ABTB3: variants seen among roughly 807,000 people sequenced by gnomAD.
ABTB3 encodes ankyrin repeat and BTB domain containing 3, also known as ankyrin repeat- and BTB/POZ domain-containing protein 3.
chr12:107,630,621 A>T, the ABTB3 span, among the ~76,000 whole-genome samples: 1 of 151,406 alleles, frequency 6.6e-6, no homozygotes. Flanking sequence ...AAAAAAAAAA[A>T]TTTAAAGACA....
the ABTB3 span, among the ~76,000 whole-genome samples, chr12:107,464,798 C>T: frequency 6.6e-6 from 1 of 152,182 alleles, no homozygotes; most frequent in Non-Finnish European, 1.5e-5. Flanking sequence ...GTTTTACTCC[C>T]TCTCCCTTGC....
chr12:107,644,556 A>G, the ABTB3 span, among the ~76,000 whole-genome samples: 1 of 152,200 alleles, frequency 6.6e-6, no homozygotes, highest in African/African-American at 2.4e-5. Context: ...AGAACATTTT[A>G]AAATGCAGAT....
the ABTB3 span, among the ~76,000 whole-genome samples, chr12:107,365,081 C>T: frequency 6.6e-6 from 1 of 152,124 alleles, no homozygotes; most frequent in African/African-American, 2.4e-5. Flanking sequence ...AGTTTGAATT[C>T]CAGAGCTAAC....
chr12:107,648,380 CCACACACACACACACACACA>C, the ABTB3 span, among the ~76,000 whole-genome samples: 3,368 of 140,196 alleles, frequency 0.024, 144 homozygotes, highest in African/African-American at 0.085. Flanking sequence ...GACCCCATCT[CCACACACACACACACACACA>C]CACACACACA....
the ABTB3 span, chr12:107,520,448 CTGTT>C: frequency 6.3e-7 from 1 of 1,598,972 alleles, no homozygotes; most frequent in Non-Finnish European, 8.5e-7. Context: ...AAATAACAAT[CTGTT>C]TTCCTTTCAT....
At chr12:107,325,567 TA>T in the ABTB3 span, among the ~76,000 whole-genome samples, 1 of 152,052 alleles carries the variant, frequency 6.6e-6, no homozygotes, top group African/African-American at 2.4e-5. Flanking sequence ...AAACATAAAA[TA>T]AAAATAACAA....
At chr12:107,379,847 G>C in the ABTB3 span, among the ~76,000 whole-genome samples, 1 of 152,266 alleles carries the variant, frequency 6.6e-6, no homozygotes, top group African/African-American at 2.4e-5. Context: ...TTTGAATCTC[G>C]GCTCCACTCC....
At chr12:107,449,202 C>A in the ABTB3 span, among the ~76,000 whole-genome samples, 1 of 152,172 alleles carries the variant, frequency 6.6e-6, no homozygotes, top group South Asian at 2.1e-4. Context: ...CTCCAGGAAG[C>A]CCAGGTAACA....
At chr12:107,651,803 C>T in the ABTB3 span, 1 of 1,602,104 alleles carries the variant, frequency 6.2e-7, no homozygotes, top group Non-Finnish European at 8.6e-7. Flanking sequence ...CAATCTCATT[C>T]TCGCGCAGTG....
chr12:107,616,536 T>C, the ABTB3 span, among the ~76,000 whole-genome samples: 377 of 152,338 alleles, frequency 2.5e-3, 4 homozygotes, highest in African/African-American at 8.7e-3. Flanking sequence ...TCTGCCACTT[T>C]ATTAACTGAT....
At chr12:107,401,914 G>GTTTTTTTT in the ABTB3 span, among the ~76,000 whole-genome samples, 1 of 130,900 alleles carries the variant, frequency 7.6e-6, no homozygotes, top group Admixed American at 7.8e-5. Context: ...ACCGCTTAGG[G>GTTTTTTTT]TTTTTTTTTT....
At chr12:107,544,717 C>A in the ABTB3 span, among the ~76,000 whole-genome samples, 1 of 152,206 alleles carries the variant, frequency 6.6e-6, no homozygotes, top group Non-Finnish European at 1.5e-5. Context: ...ATCCTCTCCC[C>A]ACAGTGTCTC....
the ABTB3 span, among the ~76,000 whole-genome samples, chr12:107,401,609 G>A: frequency 6.6e-6 from 1 of 152,190 alleles, no homozygotes; most frequent in Admixed American, 6.5e-5. Flanking sequence ...TTGATCTTGA[G>A]CGGATGCCCT....
the ABTB3 span, among the ~76,000 whole-genome samples, chr12:107,565,309 C>CTAA: frequency 6.6e-6 from 1 of 151,516 alleles, no homozygotes; most frequent in African/African-American, 2.4e-5. Flanking sequence ...TTTTTTTTTT[C>CTAA]TGAATCTAAT....
the ABTB3 span, among the ~76,000 whole-genome samples, chr12:107,550,683 C>A: frequency 6.6e-6 from 1 of 150,916 alleles, no homozygotes; most frequent in East Asian, 2.0e-4. Context: ...CAGGTTCAAG[C>A]GATTCTCCCG....
the ABTB3 span, chr12:107,614,963 C>T: frequency 1.0e-6 from 1 of 972,592 alleles, no homozygotes; most frequent in Non-Finnish European, 1.6e-6. Context: ...GTCTTTTTGT[C>T]CATCTCTAGC....
chr12:107,581,075 G>T, the ABTB3 span: 1 of 1,545,526 alleles, frequency 6.5e-7, no homozygotes, highest in Non-Finnish European at 8.7e-7. Context: ...CCGCGAGCAG[G>T]GGGTGGGGCC....
the ABTB3 span, among the ~76,000 whole-genome samples, chr12:107,368,778 G>C: frequency 1.3e-5 from 2 of 152,106 alleles, no homozygotes; most frequent in Non-Finnish European, 2.9e-5. Flanking sequence ...TTGTAATTTT[G>C]TAAATCTGTT....
At chr12:107,465,747 C>G in the ABTB3 span, among the ~76,000 whole-genome samples, 2 of 152,304 alleles carry the variant, frequency 1.3e-5, no homozygotes, top group Non-Finnish European at 2.9e-5. Context: ...CCTGGCTCAT[C>G]TTGTCTCTTT....
Sources: gnomAD v4.1 joint callset for allele counts (sites outside exome capture counted in the v4.1 genomes callset) on GRCh38, gnomAD v4.1.1 for gene constraint, MANE v1.5 for transcripts, NCBI Gene and HGNC (gene_info 2026-07-23, HGNC 2026-07-21) for gene names.